CFLAR: variants seen among roughly 807,000 people sequenced by gnomAD.
The protein encoded by CFLAR is CASP8 and FADD-like apoptosis regulator.
Under a neutral mutation model 51.1 loss-of-function variants are expected in CFLAR, and 14 were observed. The observed-to-expected ratio is 0.27, with a 90% confidence interval of 0.18 to 0.43. CFLAR has a LOEUF of 0.43. Among genes scored for constraint, CFLAR ranks in the 20% least tolerant of loss-of-function variants. CFLAR has a pLI of 1.00. For missense variants in CFLAR, 390 were observed against 566.5 expected (o/e 0.69, Z 3.16); for synonymous variants, 210 against 211.6 (o/e 0.99, Z 0.06).
At chr2:201,145,494 T>C (rs538090713) in intron 6 of CFLAR, 62 bp downstream of exon 6, 5 of 1,090,056 alleles carry the variant, frequency 4.6e-6, no homozygotes, top group South Asian at 1.3e-5. Flanking sequence ...AGTACAAATA[T>C]TGCATTTTTA....
Position 201,138,025 on chromosome 2 carries a change from C to T in CFLAR, c.523+1918C>T. The T allele has an allele frequency of 1.4e-6, 1 of 729,782 alleles. No individual in the cohort carries two copies. Among genetic ancestry groups the T allele is most frequent in the Non-Finnish European group, 2.5e-6 (1 of 393,410 alleles). The allele number at this position is 729,782 out of a possible 1,614,324, so 45.2% of individuals were successfully genotyped here. ...GTATGCTTGGCCACCTTGTACACAGCAGTGCCCTGGGGCTGACTGCAGGCT... is the reference window on the plus strand; with the variant it reads ...GTATGCTTGGCCACCTTGTACACAGTAGTGCCCTGGGGCTGACTGCAGGCT... On this transcript the variant is annotated intron_variant, in intron 4 of 9. Coordinates refer to ENST00000309955, the MANE Select transcript of CFLAR (RefSeq NM_003879.7). The surrounding 1 kb of genome is among the most constrained non-coding windows in gnomAD (Gnocchi z 4.0).
At chr2:201,120,855 A>G (rs2125594872) in intron 1 of CFLAR, among the ~76,000 whole-genome samples, 1 of 152,308 alleles carries the variant, frequency 6.6e-6, no homozygotes, top group South Asian at 2.1e-4. Context: ...AGATTGTTTA[A>G]AAGAGTAGGT....
rs1944138577 is a variant in CFLAR, at chr2:201,174,536, T to C, written c.*10563T>C. ...CAGAAATGTAGTCCTCTAACTTTGT[T>C]GTTGTTGTTGTTCTTCTTTTTTCTT... is the stretch of plus-strand genomic sequence containing the variant. On this transcript the variant is annotated 3_prime_UTR_variant, in exon 10 of 10. Transcript: ENST00000309955. 6.6e-6 allele frequency: 1 copy of C among 152,168 alleles called. No homozygotes were observed. The highest frequency in any genetic ancestry group is 1.5e-5 in the Non-Finnish European group (1 of 68,046). The allele number at this position is 152,168 out of a possible 1,614,324, so 9.4% of individuals were successfully genotyped here.
intron 6 of CFLAR, among the ~76,000 whole-genome samples, chr2:201,147,271 G>A (rs926991721): frequency 4.6e-5 from 7 of 152,208 alleles, no homozygotes; most frequent in Non-Finnish European, 1.0e-4. Context: ...GCTCATGCCT[G>A]TAGTCCCAGC....
At chr2:201,123,463 C>T (rs1345782647) in intron 1 of CFLAR, among the ~76,000 whole-genome samples, 1 of 152,086 alleles carries the variant, frequency 6.6e-6, no homozygotes, top group Non-Finnish European at 1.5e-5. Flanking sequence ...CTGCATTCTA[C>T]GGAGGGGAGG....
At chr2:201,141,436 A>G in intron 5 of CFLAR, 1 of 1,553,630 alleles carries the variant, frequency 6.4e-7, no homozygotes, top group Non-Finnish European at 8.7e-7. Context: ...CCATGTGATT[A>G]ACATGGAACT....
chr2:201,134,170 C>G (rs1455807862), intron 3 of CFLAR, among the ~76,000 whole-genome samples: 1 of 150,326 alleles, frequency 6.7e-6, no homozygotes, highest in African/African-American at 2.4e-5. Context: ...ATTAGCCGGG[C>G]GTGGTGGTAG....
intron 2 of CFLAR, among the ~76,000 whole-genome samples, chr2:201,130,954 C>T (rs1415862104): frequency 6.6e-6 from 1 of 152,164 alleles, no homozygotes; most frequent in African/African-American, 2.4e-5. Context: ...CCCTGTTGGC[C>T]CTACCCTGCT....
At position 201,136,332 on chromosome 2, in the gene CFLAR, C is replaced by T. The variant is rs759211555; in HGVS notation, c.523+225C>T. ...ATTCATGATCTCTGCAAAATGCTGC[C>T]AAGCAGTTCTTAACATTTCAGTCTT... On this transcript the variant is annotated intron_variant, in intron 4 of 9. Transcript: ENST00000309955. The T allele has an allele frequency of 6.9e-6, 11 of 1,598,434 alleles. No individual in the cohort carries two copies. The South Asian group carries it at 9.9e-5, about 14-fold the overall frequency.
rs561568592 is a variant in CFLAR at position 201,132,426 on chromosome 2, G to GAAAAAA, written c.282-598_282-597insAAAAAA. ...TCTCAAAGTCTATTTCCTAGGGGGG[G>GAAAAAA]AAAAATATATATATATATATATATA... is the stretch of plus-strand genomic sequence containing the variant. On this transcript the variant is annotated intron_variant, in intron 2 of 9. Coordinates refer to ENST00000309955, the MANE Select transcript of CFLAR (RefSeq NM_003879.7). Among the ~76,000 whole-genome samples the GAAAAAA allele has an allele frequency of 2.4e-3, 337 of 137,956 alleles. 2 individuals carry two copies. Among genetic ancestry groups the GAAAAAA allele is most frequent in the Middle Eastern group, 0.011 (3 of 266 alleles). The allele number at this position is 137,956 out of a possible 152,430, so 90.5% of individuals were successfully genotyped here. A position where few individuals can be genotyped will look rare whatever the true frequency, so the allele number is the denominator to read the frequency against.
intron 1 of CFLAR, among the ~76,000 whole-genome samples, chr2:201,127,272 T>C (rs563137812): frequency 5.9e-4 from 90 of 152,204 alleles, no homozygotes; most frequent in Admixed American, 1.5e-3. Context: ...CAAGTGACTC[T>C]TCAGAAGAGG....
intron 7 of CFLAR, chr2:201,149,371 C>A (rs191185920): frequency 1.3e-4 from 38 of 297,982 alleles, no homozygotes; most frequent in Admixed American, 3.3e-4. Context: ...AGGTTGACAC[C>A]TCTTTGTAAG....
chr2:201,159,979 T>C (rs1484055789), intron 8 of CFLAR, among the ~76,000 whole-genome samples: 4 of 152,126 alleles, frequency 2.6e-5, no homozygotes, highest in Non-Finnish European at 5.9e-5. Context: ...GTGCTAGCTG[T>C]TGGCAGGAAG....
At chr2:201,139,164 A>G (rs548197590) in intron 4 of CFLAR, 75 of 373,492 alleles carry the variant, frequency 2.0e-4, no homozygotes, top group South Asian at 1.1e-3. Context: ...AACATGTGCT[A>G]TGTCAACTCA....
chr2:201,134,884 G>A (rs1280653104), intron 3 of CFLAR, among the ~76,000 whole-genome samples: 1 of 151,932 alleles, frequency 6.6e-6, no homozygotes, highest in Non-Finnish European at 1.5e-5. Flanking sequence ...TTATAGTTTT[G>A]TTTCTTAAGT....
At chr2:201,149,650 T>C in intron 7 of CFLAR, 104 bp from the exon 8 acceptor site, 1 of 799,480 alleles carries the variant, frequency 1.3e-6, no homozygotes, top group Non-Finnish European at 2.1e-6. Flanking sequence ...GTTGAGTGAC[T>C]CACCTGCCAA....
Position 201,163,984 on chromosome 2 carries a change from G to A in CFLAR, c.*11G>A, listed in dbSNP as rs1943307416. 6.2e-7 allele frequency: 1 copy of A among 1,610,030 alleles called. No individual in the cohort carries two copies. The highest frequency in any genetic ancestry group is 8.5e-7 in the Non-Finnish European group (1 of 1,178,016). ...CTCTCCTACACATAAGAAACCAAAA[G>A]GCTGGGCGTAGTGGCTCACACCTGT... On this transcript the variant is annotated 3_prime_UTR_variant, in exon 10 of 10. Coordinates refer to ENST00000309955, the MANE Select transcript of CFLAR (RefSeq NM_003879.7).
intron 4 of CFLAR, chr2:201,137,035 AG>A (rs2050218211): frequency 1.1e-5 from 2 of 175,952 alleles, no homozygotes; most frequent in African/African-American, 2.4e-5. Context: ...GAGCTGGGGA[AG>A]GGGGCAGAGA....
chr2:201,129,770 C>T lies in CFLAR; in HGVS notation c.-96C>T. ...AGGATTCTGAAAGAAATGAAGTCAG[C>T]CCTCAGAAATGAAGTTGACTGCCTG... On this transcript the variant is annotated 5_prime_UTR_variant, in exon 2 of 10. Coordinates refer to ENST00000309955, the MANE Select transcript of CFLAR (RefSeq NM_003879.7). 8.8e-7 allele frequency: 1 copy of T among 1,138,766 alleles called. No homozygotes were observed. Among genetic ancestry groups the T allele is most frequent in the Non-Finnish European group, 1.3e-6 (1 of 785,936 alleles). The allele number at this position is 1,138,766 out of a possible 1,614,324, so 70.5% of individuals were successfully genotyped here. A position where few individuals can be genotyped will look rare whatever the true frequency, so the allele number is the denominator to read the frequency against.
Sources: gnomAD v4.1 joint callset for allele counts (sites outside exome capture counted in the v4.1 genomes callset) on GRCh38, gnomAD v4.1.1 for gene constraint, Gnocchi (gnomAD v3.1) non-coding constraint, MANE v1.5 for transcripts, NCBI Gene and HGNC (gene_info 2026-07-23, HGNC 2026-07-21) for gene names.